The following PADI1 variants were observed in gnomAD, a reference collection of about 807,000 sequenced individuals.
The protein encoded by PADI1 is peptidyl arginine deiminase 1, also known as protein-arginine deiminase type-1.
A neutral mutation model predicts 74.8 loss-of-function variants in PADI1; 65 were observed. The ratio of observed to expected loss-of-function variants is 0.87; its 90% CI spans 0.71 to 1.07. The LOEUF is 1.07. PADI1 is among the 50% of genes least tolerant of loss of function. The pLI, the probability that PADI1 is intolerant of heterozygous loss-of-function variation, is 0.00. For missense variants in PADI1, 943 were observed against 854.0 expected (o/e 1.10, Z -1.30); for synonymous variants, 371 against 336.2 (o/e 1.10, Z -1.13).
At chr1:17,231,102 C>T (rs1487294984) in intron 10 of PADI1, among the ~76,000 whole-genome samples, 14 of 152,166 alleles carry the variant, frequency 9.2e-5, no homozygotes, top group Admixed American at 5.9e-4. Flanking sequence ...ACACCTACTA[C>T]GTGCCAGGCA....
rs1255536014 is a variant in PADI1 at position 17,228,667 on chromosome 1, A to G, written c.695A>G (p.Gln232Arg). ...GACTACAAACAGGTGCTGGGGCCCC[A>G]GTGTCTGTCCTATGAAGTTGAGCGA... Reference protein sequence around the residue: ...LSDYKQVLGPQCLSYEVERQP... With the variant: ...LSDYKQVLGPRCLSYEVERQP... Residue 232 changes from glutamine (Q) to arginine (R), a missense_variant, in exon 7 of 16, where the codon CAG becomes CGG. Coordinates refer to ENST00000375471, the MANE Select transcript of PADI1 (RefSeq NM_013358.3). The G allele has an allele frequency of 1.9e-6, 3 of 1,614,206 alleles. No homozygotes were observed. The highest frequency in any genetic ancestry group is 1.7e-5 in the Admixed American group (1 of 60,030).
chr1:17,239,833 G>A (rs1304391419), intron 14 of PADI1, 50 bp downstream of exon 14: 4 of 1,448,618 alleles, frequency 2.8e-6, no homozygotes, highest in African/African-American at 2.8e-5. Context: ...CCCTTCCAGG[G>A]AGAAGAAGCC....
Position 17,240,638 on chromosome 1 carries a change from T to G in PADI1, c.1636T>G (p.Cys546Gly). The G allele has an allele frequency of 6.2e-7, 1 of 1,613,910 alleles. No individual in the cohort carries two copies. The highest frequency in any genetic ancestry group is 8.5e-7 in the Non-Finnish European group (1 of 1,179,834). Residue 546 changes from cysteine to glycine, a missense_variant, in exon 15 of 16, where the codon TGC (cysteine) becomes GGC (glycine). By Grantham distance (159) the Cys-to-Gly change is radical (BLOSUM62 -3). Transcript: ENST00000375471. ...GCCCAGCTGCCTCCTTCCCCAGAAA[T>G]GCATTGACTGGAACCGTAATGTGCT... is the stretch of plus-strand genomic sequence containing the variant. ...LQRDNLHAQK[C>G]IDWNRNVLKR...
intron 1 of PADI1, among the ~76,000 whole-genome samples, chr1:17,207,439 C>T (rs1371295937): frequency 6.6e-6 from 1 of 152,206 alleles, no homozygotes; most frequent in African/African-American, 2.4e-5. Context: ...AACAATATAA[C>T]ACCAGTTATA....
intron 13 of PADI1, 52 bp from the exon 14 acceptor site, chr1:17,239,652 C>T (rs1291156125): frequency 3.7e-6 from 5 of 1,356,140 alleles, no homozygotes; most frequent in African/African-American, 2.9e-5. Context: ...AGGCTGAAGA[C>T]GGCCTCCAGG....
rs1488590032 is a variant in PADI1, at chr1:17,240,684, CAG to C, written c.1687_1688del (p.Ser563Ter). On this transcript the variant is annotated frameshift_variant, in exon 15 of 16. Coordinates refer to ENST00000375471, the MANE Select transcript of PADI1 (RefSeq NM_013358.3). LOFTEE classifies it high-confidence loss of function. ...GTGCTGAAGCGGGAGCTGGGCCTGG[CAG>C]AGAGTGACATCGTGGACATTCCCCA... 2 of 1,614,128 alleles carry C rather than the reference CAG, an allele frequency of 1.2e-6. No homozygotes were observed. Among genetic ancestry groups the C allele is most frequent in the African/African-American group, 1.3e-5 (1 of 75,052 alleles).
chr1:17,229,909 G>C (rs1006967904), intron 8 of PADI1, among the ~76,000 whole-genome samples, 176 bp from the exon 9 acceptor site: 3 of 152,192 alleles, frequency 2.0e-5, no homozygotes, highest in African/African-American at 7.2e-5. Flanking sequence ...CCTGTCACCT[G>C]ATGTGATCTG....
chr1:17,239,686 GTCTT>G lies in PADI1; in HGVS notation c.1553-14_1553-11del. The G allele has an allele frequency of 6.2e-7, 1 of 1,603,256 alleles. No individual in the cohort carries two copies. The highest frequency in any genetic ancestry group is 1.1e-5 in the South Asian group (1 of 90,872). On this transcript the variant is annotated splice_polypyrimidine_tract_variant and intron_variant, in intron 13 of 15. Coordinates refer to ENST00000375471, the MANE Select transcript of PADI1 (RefSeq NM_013358.3). ...GGCAGTGCTCCCTGAGCTATGTACTGTCTTTCTCTTCTTGCAGGGTTAAAACACC... is the reference window on the plus strand; with the variant it reads ...GGCAGTGCTCCCTGAGCTATGTACTGTCTCTTCTTGCAGGGTTAAAACACC...
At chr1:17,220,211 A>T (rs1427038928) in intron 1 of PADI1, among the ~76,000 whole-genome samples, 1 of 151,668 alleles carries the variant, frequency 6.6e-6, no homozygotes, top group Non-Finnish European at 1.5e-5. Flanking sequence ...TAAAATGGGG[A>T]TTATAATCTT....
rs201662827 is a variant in PADI1, at chr1:17,232,802, C to T, written c.1162-17C>T. Reference sequence around the variant, plus strand: ...CCTCTCCTTCTTGGGGTGGGGGTCTCGCTGGTTCTTCCATAGGGTCCTGAC... The same window carrying T: ...CCTCTCCTTCTTGGGGTGGGGGTCTTGCTGGTTCTTCCATAGGGTCCTGAC... On this transcript the variant is annotated splice_polypyrimidine_tract_variant and intron_variant, in intron 10 of 15. Transcript: ENST00000375471. 18 of 1,602,634 alleles carry T rather than the reference C, an allele frequency of 1.1e-5. No homozygotes were observed. Among genetic ancestry groups the T allele is most frequent in the Middle Eastern group, 3.3e-4 (2 of 6,018 alleles).
In PADI1 at chr1:17,232,842, C is replaced by T; in HGVS notation, c.1185C>T (p.Thr395=). 1 of 1,613,318 alleles carries T rather than the reference C, an allele frequency of 6.2e-7. No homozygotes were observed. The part of the protein sequence containing the change: ...RILGPDFGYV[T]REIPLPGPSS... ...AGGGTCCTGACTTTGGATATGTTAC[C>T]CGGGAGATCCCGCTCCCTGGTCCCT... Residue 395 remains threonine (T), a synonymous_variant, in exon 11 of 16, where the codon ACC becomes ACT. Coordinates refer to ENST00000375471, the MANE Select transcript of PADI1 (RefSeq NM_013358.3).
In PADI1 at chr1:17,232,854, G is replaced by C; in HGVS notation, c.1197G>C (p.Pro399=). ...PDFGYVTREI[P]LPGPSSLDSF... is the part of the protein sequence containing the mutation. ...TTGGATATGTTACCCGGGAGATCCC[G>C]CTCCCTGGTCCCTCCAGCCTTGACT... The change falls in exon 11 of 16, where the codon CCG becomes CCC. Residue 399 remains proline (P), a synonymous_variant. Transcript: ENST00000375471. 6.2e-7 allele frequency: 1 copy of C among 1,612,996 alleles called. No individual in the cohort carries two copies. The highest frequency in any genetic ancestry group is 8.5e-7 in the Non-Finnish European group (1 of 1,179,650).
chr1:17,209,827 C>T (rs1289193258), intron 1 of PADI1, among the ~76,000 whole-genome samples: 1 of 152,068 alleles, frequency 6.6e-6, no homozygotes, highest in African/African-American at 2.4e-5. Flanking sequence ...GAAGCTGGCA[C>T]CTTTATTTTT....
At chr1:17,207,070 CCTT>C (rs1322018432) in intron 1 of PADI1, among the ~76,000 whole-genome samples, 1 of 152,166 alleles carries the variant, frequency 6.6e-6, no homozygotes, top group South Asian at 2.1e-4. Context: ...TTGCAGGCCC[CCTT>C]CTTCTTATTT....
rs758892368 is a variant in PADI1 at position 17,240,674 on chromosome 1, C to G, written c.1672C>G (p.Leu558Val). The G allele has an allele frequency of 2.5e-5, 40 of 1,614,036 alleles. No homozygotes were observed. The Middle Eastern group carries it at 4.9e-4, about 20-fold the overall frequency. Reference protein sequence around the residue: ...DWNRNVLKRELGLAESDIVDI... With the variant: ...DWNRNVLKREVGLAESDIVDI... ...GAACCGTAATGTGCTGAAGCGGGAG[C>G]TGGGCCTGGCAGAGAGTGACATCGT... Residue 558 changes from leucine (L) to valine (V), a missense_variant, in exon 15 of 16, where the codon CTG (leucine) becomes GTG (valine). Transcript: ENST00000375471.
chr1:17,236,697 T>C (rs557235340), intron 11 of PADI1, among the ~76,000 whole-genome samples: 18 of 151,390 alleles, frequency 1.2e-4, no homozygotes, highest in African/African-American at 4.1e-4. Flanking sequence ...GAGGCTGCAG[T>C]GAGCCATGCA....
chr1:17,239,850 A>C, intron 14 of PADI1, 67 bp downstream of exon 14: 2 of 1,322,528 alleles, frequency 1.5e-6, no homozygotes, highest in Non-Finnish European at 2.1e-6. Context: ...AGCCCCAGGA[A>C]CTGGGTTGGG....
intron 11 of PADI1, among the ~76,000 whole-genome samples, chr1:17,235,273 A>AGGAAGGAAGGAG (rs2072609272): frequency 8.7e-6 from 1 of 115,484 alleles, no homozygotes; most frequent in African/African-American, 3.7e-5. Context: ...GAAGGAAGGA[A>AGGAAGGAAGGAG]GGAAGGAAGG....
intron 12 of PADI1, 45 bp downstream of exon 12, chr1:17,237,503 G>C (rs1440766110): frequency 1.9e-6 from 3 of 1,552,780 alleles, no homozygotes; most frequent in African/African-American, 2.7e-5. Flanking sequence ...GCCCTTGTCT[G>C]ACCTGATGGG....
Sources: allele counts gnomAD v4.1 joint callset (sites outside exome capture counted in the v4.1 genomes callset), GRCh38; gene constraint gnomAD v4.1.1; transcripts MANE v1.5; gene names NCBI Gene and HGNC (gene_info 2026-07-23, HGNC 2026-07-21).